The following ZSWIM6 variants were observed in gnomAD, a reference collection of about 807,000 sequenced individuals.
ZSWIM6 encodes zinc finger SWIM domain-containing protein 6.
A neutral mutation model predicts 113.2 loss-of-function variants in ZSWIM6; 9 were observed. The observed-to-expected ratio is 0.08, with a 90% CI of 0.05 to 0.14. The LOEUF is 0.14. Among genes scored for constraint, ZSWIM6 ranks in the 10% least tolerant of loss-of-function variants. The pLI is 1.00. For synonymous variants in ZSWIM6, 611 were observed against 606.5 expected, an observed-to-expected ratio of 1.01 and a Z score of -0.11; for missense variants, 1,162 against 1,552.2, an observed-to-expected ratio of 0.75 and a Z score of 4.22.
chr5:61,332,995 T>TGG, intron 1 of ZSWIM6, 47 bp downstream of exon 1: 1 of 159,084 alleles, frequency 6.3e-6, no homozygotes, highest in Non-Finnish European at 8.9e-6. Context: ...CGTCAGTCCC[T>TGG]GGGTGGGGGG....
chr5:61,526,005 C>A lies in ZSWIM6; in HGVS notation c.1690+29C>A, dbSNP rs1749269291. 7 of 1,550,554 alleles carry A rather than the reference C, an allele frequency of 4.5e-6. No homozygotes were observed. The East Asian group carries it at 1.7e-4, about 38-fold the overall frequency. ...AGTGACCAAACCGGAAAGACATTTC[C>A]ATGACTTACTTCTTTGTTTAGTTTC... is the stretch of plus-strand genomic sequence containing the variant. On this transcript the variant is annotated intron_variant, in intron 6 of 13. Transcript: ENST00000252744.
chr5:61,393,402 TA>T (rs1745772114), intron 1 of ZSWIM6, among the ~76,000 whole-genome samples: 1 of 152,184 alleles, frequency 6.6e-6, no homozygotes, highest in South Asian at 2.1e-4. Flanking sequence ...AATTCTACAA[TA>T]AACATTATTG....
In ZSWIM6 at chr5:61,530,157, G is replaced by A. The variant is rs983495066; in HGVS notation, c.1943G>A (p.Arg648His). Residue 648 changes from arginine (R) to histidine (H), a missense_variant, in exon 8 of 14, where the codon CGC (arginine) becomes CAC (histidine). Arg to His is a conservative substitution (Grantham distance 29). Coordinates refer to ENST00000252744, the MANE Select transcript of ZSWIM6 (RefSeq NM_020928.2). Reference protein sequence around the residue: ...TLFSSLMEACRIDDENLSGFS... With the variant: ...TLFSSLMEACHIDDENLSGFS... ...TTCAGTAGCCTTATGGAAGCCTGCCGCATTGATGATGAGAACCTCTCTGGG... is the reference window on the plus strand; with the variant it reads ...TTCAGTAGCCTTATGGAAGCCTGCCACATTGATGATGAGAACCTCTCTGGG... 4.5e-6 allele frequency: 7 copies of A among 1,551,664 alleles called. No homozygotes were observed. Among genetic ancestry groups the A allele is most frequent in the Admixed American group, 2.0e-5 (1 of 50,980 alleles).
intron 1 of ZSWIM6, among the ~76,000 whole-genome samples, chr5:61,458,631 A>T (rs1747259800): frequency 6.6e-6 from 1 of 152,104 alleles, no homozygotes; most frequent in Admixed American, 6.5e-5. Context: ...TAATCCCAGC[A>T]CTTTGGGAGG....
intron 1 of ZSWIM6, among the ~76,000 whole-genome samples, chr5:61,407,373 T>C (rs1168256546): frequency 2.6e-5 from 4 of 152,196 alleles, no homozygotes; most frequent in Admixed American, 6.5e-5. Context: ...TGGAAAATTA[T>C]TCTACAAACT....
intron 1 of ZSWIM6, among the ~76,000 whole-genome samples, chr5:61,361,141 A>C (rs1292875952): frequency 6.6e-6 from 1 of 152,000 alleles, no homozygotes; most frequent in Non-Finnish European, 1.5e-5. Context: ...GCTGAAGGAG[A>C]GGGACTTACT....
intron 10 of ZSWIM6, among the ~76,000 whole-genome samples, chr5:61,537,675 G>A (rs1361466026): frequency 6.6e-6 from 1 of 152,158 alleles, no homozygotes; most frequent in Non-Finnish European, 1.5e-5. Context: ...AGAAGAGAAT[G>A]AGCCATTTGG....
At chr5:61,429,386 A>C (rs1467149806) in intron 1 of ZSWIM6, among the ~76,000 whole-genome samples, 2 of 152,210 alleles carry the variant, frequency 1.3e-5, no homozygotes, top group African/African-American at 4.8e-5. Context: ...CCTAATTTAG[A>C]GAAGGGCGTT....
intron 1 of ZSWIM6, among the ~76,000 whole-genome samples, chr5:61,355,641 A>G (rs1014372369): frequency 6.6e-6 from 1 of 152,202 alleles, no homozygotes; most frequent in African/African-American, 2.4e-5. Context: ...ATTATGCTAA[A>G]TATCAATCTG....
chr5:61,398,308 G>A (rs1401093727), intron 1 of ZSWIM6, among the ~76,000 whole-genome samples: 3 of 152,192 alleles, frequency 2.0e-5, no homozygotes, highest in African/African-American at 4.8e-5. Context: ...AACTGTGTAT[G>A]CAAGGGATCT....
chr5:61,424,523 T>C (rs974919482), intron 1 of ZSWIM6, among the ~76,000 whole-genome samples: 18 of 152,178 alleles, frequency 1.2e-4, no homozygotes, highest in African/African-American at 4.3e-4. Flanking sequence ...TCAAGGTCCA[T>C]TTTAGTTCAC....
chr5:61,374,572 G>C (rs1745328542), intron 1 of ZSWIM6, among the ~76,000 whole-genome samples: 1 of 151,994 alleles, frequency 6.6e-6, no homozygotes, highest in Non-Finnish European at 1.5e-5. Flanking sequence ...TTTATTTTTT[G>C]AGATGGAGTC....
chr5:61,412,984 CTA>C (rs1267302406), intron 1 of ZSWIM6, among the ~76,000 whole-genome samples: 1 of 150,534 alleles, frequency 6.6e-6, no homozygotes, highest in Non-Finnish European at 1.5e-5. Context: ...TTTTATTTCA[CTA>C]TTGTTTATTT....
chr5:61,488,930 G>A (rs981015812), intron 2 of ZSWIM6, among the ~76,000 whole-genome samples: 2 of 151,820 alleles, frequency 1.3e-5, no homozygotes, highest in South Asian at 2.1e-4. Flanking sequence ...TTATTGTTTA[G>A]AGTATTTCTT....
chr5:61,390,148 G>A (rs1453553797), intron 1 of ZSWIM6, among the ~76,000 whole-genome samples: 7 of 152,036 alleles, frequency 4.6e-5, no homozygotes, highest in East Asian at 3.8e-4. Flanking sequence ...TCACACCTTC[G>A]CAAAAGTATT....
chr5:61,345,900 G>A (rs1027391789), intron 1 of ZSWIM6, among the ~76,000 whole-genome samples: 1 of 152,136 alleles, frequency 6.6e-6, no homozygotes, highest in African/African-American at 2.4e-5. Context: ...TGAATTGCTT[G>A]GTCTAGTATA....
At chr5:61,444,508 C>G (rs1746908795) in intron 1 of ZSWIM6, among the ~76,000 whole-genome samples, 1 of 152,080 alleles carries the variant, frequency 6.6e-6, no homozygotes, top group Non-Finnish European at 1.5e-5. Context: ...TTCTAGATCC[C>G]TGAGAAATCG....
At chr5:61,451,646 TC>T in intron 1 of ZSWIM6, among the ~76,000 whole-genome samples, 1 of 152,336 alleles carries the variant, frequency 6.6e-6, no homozygotes, top group East Asian at 1.9e-4. Flanking sequence ...AAAGGTTCTT[TC>T]TTTTAAATGG....
At chr5:61,498,500 A>G (rs575029960) in intron 4 of ZSWIM6, among the ~76,000 whole-genome samples, 49 of 152,292 alleles carry the variant, frequency 3.2e-4, no homozygotes, top group African/African-American at 1.2e-3. Context: ...ATTTCATTGT[A>G]TGATTAGTTT....
Sources: allele counts gnomAD v4.1 joint callset (sites outside exome capture counted in the v4.1 genomes callset), GRCh38; gene constraint gnomAD v4.1.1; transcripts MANE v1.5; gene names NCBI Gene and HGNC (gene_info 2026-07-23, HGNC 2026-07-21).